CFAP206: variants seen among roughly 807,000 people sequenced by gnomAD.
The protein encoded by CFAP206 is cilia- and flagella-associated protein 206.
Under a neutral mutation model 65.4 loss-of-function variants are expected in CFAP206, and 53 were observed. That is an observed-to-expected ratio of 0.81 (90% CI 0.65 to 1.02). The LOEUF (loss-of-function observed/expected upper bound fraction) is 1.02. Among genes scored for constraint, CFAP206 ranks in the 50% least tolerant of loss-of-function variants. CFAP206 has a pLI of 0.00. For missense variants in CFAP206, 663 were observed against 753.2 expected (o/e 0.88, Z 1.40); for synonymous variants, 250 against 254.4 (o/e 0.98, Z 0.17).
chr6:87,416,609 C>T (rs969810853), intron 5 of CFAP206, 60 bp from the exon 6 acceptor site: 45 of 1,456,148 alleles, frequency 3.1e-5, no homozygotes, highest in African/African-American at 1.1e-4. Flanking sequence ...CGTTATTTAA[C>T]GTCTGATATC....
Position 87,428,671 on chromosome 6 carries a change from G to A in CFAP206, c.1006G>A (p.Glu336Lys), listed in dbSNP as rs745420473. The A allele has an allele frequency of 2.0e-5, 33 of 1,613,886 alleles. No homozygotes were observed. The highest frequency in any genetic ancestry group is 4.4e-5 in the South Asian group (4 of 91,080). Residue 336 changes from glutamate (E) to lysine (K), a missense_variant, in exon 9 of 13, where the codon GAA (glutamate) becomes AAA (lysine). Transcript: ENST00000369562. ...LSTLWTSLQD[E>K]TIVVGVLSNL... Reference sequence around the variant, plus strand: ...TACTCTGTGGACCAGCTTGCAAGACGAAACTATTGTGGTTGGTGTCCTCAG... The same window carrying A: ...TACTCTGTGGACCAGCTTGCAAGACAAAACTATTGTGGTTGGTGTCCTCAG...
intron 10 of CFAP206, among the ~76,000 whole-genome samples, chr6:87,431,626 C>T (rs1186861596): frequency 2.0e-5 from 3 of 152,108 alleles, no homozygotes; most frequent in Admixed American, 2.0e-4. Flanking sequence ...ATTAGCCAGG[C>T]ATGGTGGCAC....
intron 11 of CFAP206, among the ~76,000 whole-genome samples, chr6:87,437,167 A>T (rs1768281987): frequency 6.6e-6 from 1 of 152,052 alleles, no homozygotes; most frequent in Admixed American, 6.5e-5. Flanking sequence ...ACGGGGTTTC[A>T]CCATCTTGGT....
Position 87,416,776 on chromosome 6 carries a change from A to G in CFAP206, c.580A>G (p.Ile194Val), listed in dbSNP as rs1270276961. 6.2e-7 allele frequency: 1 copy of G among 1,613,894 alleles called. No homozygotes were observed. Among genetic ancestry groups the G allele is most frequent in the South Asian group, 1.1e-5 (1 of 91,064 alleles). Residue 194 changes from isoleucine (I) to valine (V), a missense_variant, in exon 6 of 13, where the codon ATT becomes GTT. Coordinates refer to ENST00000369562, the MANE Select transcript of CFAP206 (RefSeq NM_001031743.3). ...LKELTMIVTG[I>V]RLFNRDCGKG... Reference sequence around the variant, plus strand: ...AGAACTCACCATGATTGTTACTGGAATTCGTTTATTTAACAGAGACTGTGG... The same window carrying G: ...AGAACTCACCATGATTGTTACTGGAGTTCGTTTATTTAACAGAGACTGTGG...
In CFAP206 at chr6:87,455,714, C is replaced by T. The variant is rs6924903; in HGVS notation, c.1495-5308C>T. On this transcript the variant is annotated intron_variant, in intron 11 of 12. Coordinates refer to ENST00000369562, the MANE Select transcript of CFAP206 (RefSeq NM_001031743.3). ...GATATCACAAAAATTCAAAGGACCA[C>T]TAGAGGCTACTATTAGCAACTACAT... Among the ~76,000 whole-genome samples, 541 of 152,206 alleles carry T rather than the reference C, an allele frequency of 3.6e-3. 4 individuals carry two copies. Among genetic ancestry groups the T allele is most frequent in the African/African-American group, 0.012 (498 of 41,524 alleles).
intron 2 of CFAP206, 131 bp downstream of exon 2, chr6:87,410,078 C>A: frequency 3.1e-6 from 2 of 638,496 alleles, no homozygotes; most frequent in Non-Finnish European, 2.7e-6. Flanking sequence ...GATAATTGGA[C>A]AAATTTGTGA....
At chr6:87,418,149 C>T (rs1164888617) in intron 6 of CFAP206, 59 bp from the exon 7 acceptor site, 1 of 1,475,482 alleles carries the variant, frequency 6.8e-7, no homozygotes, top group African/African-American at 1.4e-5. Context: ...TTCTAGGCTT[C>T]TTCTCCTTAA....
chr6:87,453,743 A>G (rs1425253330), intron 11 of CFAP206, among the ~76,000 whole-genome samples: 1 of 152,172 alleles, frequency 6.6e-6, no homozygotes, highest in Non-Finnish European at 1.5e-5. Flanking sequence ...CAATAGATAC[A>G]CAAAAATATA....
intron 7 of CFAP206, among the ~76,000 whole-genome samples, chr6:87,420,021 A>G (rs1480154261): frequency 6.6e-6 from 1 of 152,168 alleles, no homozygotes; most frequent in Non-Finnish European, 1.5e-5. Flanking sequence ...AGGATACAGT[A>G]AGCTTTGGCT....
At chr6:87,451,634 A>G (rs1482722028) in intron 11 of CFAP206, among the ~76,000 whole-genome samples, 3 of 150,214 alleles carry the variant, frequency 2.0e-5, no homozygotes, top group African/African-American at 7.4e-5. Context: ...TTTCTGCTTG[A>G]GGAAAGGAGA....
chr6:87,460,737 T>C (rs1768731492), intron 11 of CFAP206, among the ~76,000 whole-genome samples: 1 of 151,996 alleles, frequency 6.6e-6, no homozygotes, highest in African/African-American at 2.4e-5. Context: ...TTGTGCAATA[T>C]ACCCTTGTAA....
chr6:87,411,202 G>C (rs9450674), intron 3 of CFAP206, among the ~76,000 whole-genome samples: 40,891 of 152,166 alleles, frequency 0.27, 5,599 homozygotes, highest in African/African-American at 0.32. Flanking sequence ...TGTTACTAAT[G>C]TCTTACATTG....
chr6:87,445,002 C>A (rs1452809411), intron 11 of CFAP206: 30 of 520,940 alleles, frequency 5.8e-5, no homozygotes, highest in South Asian at 3.8e-4. Flanking sequence ...TCGTTGAAGA[C>A]ACTGGCTCTC....
At chr6:87,417,415 A>G (rs757563420) in intron 6 of CFAP206, among the ~76,000 whole-genome samples, 1 of 152,150 alleles carries the variant, frequency 6.6e-6, no homozygotes, top group Non-Finnish European at 1.5e-5. Flanking sequence ...CCAAATCACT[A>G]ATCTAGTATA....
intron 11 of CFAP206, among the ~76,000 whole-genome samples, chr6:87,456,382 A>G (rs913670489): frequency 3.9e-5 from 6 of 152,196 alleles, no homozygotes; most frequent in Non-Finnish European, 8.8e-5. Flanking sequence ...TCAACACAAT[A>G]AAAGCCATAT....
At chr6:87,434,229 C>T (rs1209394157) in intron 10 of CFAP206, among the ~76,000 whole-genome samples, 1 of 152,010 alleles carries the variant, frequency 6.6e-6, no homozygotes, top group Non-Finnish European at 1.5e-5. Context: ...TGGTGAAACC[C>T]CATCTCTACA....
At chr6:87,428,884 C>T in intron 9 of CFAP206, 60 bp downstream of exon 9, 1 of 1,430,230 alleles carries the variant, frequency 7.0e-7, no homozygotes, top group Non-Finnish European at 9.8e-7. Context: ...AATAAAGTCA[C>T]TCTTTTGTTC....
At chr6:87,440,389 T>G (rs919401650) in intron 11 of CFAP206, among the ~76,000 whole-genome samples, 1 of 151,500 alleles carries the variant, frequency 6.6e-6, no homozygotes, top group African/African-American at 2.4e-5. Flanking sequence ...AGTCTGTTAG[T>G]TTTTTTTTCT....
Position 87,428,790 on chromosome 6 carries a change from G to A in CFAP206, c.1125G>A (p.Val375=), listed in dbSNP as rs747486023. 8 of 1,614,102 alleles carry A rather than the reference G, an allele frequency of 5.0e-6. No homozygotes were observed. Among genetic ancestry groups the A allele is most frequent in the South Asian group, 2.2e-5 (2 of 91,080 alleles). ...VMQCHLNGAT[V]KTDVCRMKEH... Reference sequence around the variant, plus strand: ...AATGTCATCTTAATGGAGCGACTGTGAAAACTGATGTGTGTAGAATGAAAG... The same window carrying A: ...AATGTCATCTTAATGGAGCGACTGTAAAAACTGATGTGTGTAGAATGAAAG... The change falls in exon 9 of 13, where the codon GTG becomes GTA. Residue 375 remains valine (V), a synonymous_variant. Coordinates refer to ENST00000369562, the MANE Select transcript of CFAP206 (RefSeq NM_001031743.3).
Sources: gnomAD v4.1 joint callset for allele counts (sites outside exome capture counted in the v4.1 genomes callset) on GRCh38, gnomAD v4.1.1 for gene constraint, MANE v1.5 for transcripts, NCBI Gene and HGNC (gene_info 2026-07-23, HGNC 2026-07-21) for gene names.